NRG3: variants seen among roughly 807,000 people sequenced by gnomAD.
NRG3 encodes neuregulin 3, also known as pro-neuregulin-3, membrane-bound isoform.
NRG3 carries 31 observed loss-of-function variants against 66.9 expected under a neutral mutation model. The ratio of observed to expected loss-of-function variants is 0.46; its 90% CI spans 0.35 to 0.63. The LOEUF (loss-of-function observed/expected upper bound fraction) is 0.63, where lower values mean the gene tolerates loss of function less well. NRG3 is among the 20% of genes least tolerant of loss of function. The pLI is 0.00. For missense variants in NRG3, 910 were observed against 878.9 expected (o/e 1.04, Z -0.45); for synonymous variants, 393 against 359.4 (o/e 1.09, Z -1.06).
At chr10:82,352,756 G>A (rs896175446) in intron 1 of NRG3, among the ~76,000 whole-genome samples, 24 of 152,128 alleles carry the variant, frequency 1.6e-4, no homozygotes, top group African/African-American at 5.5e-4. Flanking sequence ...TGAAAGTGGG[G>A]GGCAGTTATT....
At chr10:81,932,862 A>C (rs1847504580) in intron 1 of NRG3, among the ~76,000 whole-genome samples, 1 of 152,064 alleles carries the variant, frequency 6.6e-6, no homozygotes, top group Admixed American at 6.5e-5. Flanking sequence ...TAATCCCAGC[A>C]CTTTGGGAGG....
At chr10:82,269,998 A>C (rs2078508770) in intron 1 of NRG3, among the ~76,000 whole-genome samples, 1 of 152,164 alleles carries the variant, frequency 6.6e-6, no homozygotes, top group Admixed American at 6.5e-5. Flanking sequence ...GGGGACGATT[A>C]AAGTATCTAC....
chr10:82,054,486 T>C (rs2063742770), intron 1 of NRG3, among the ~76,000 whole-genome samples: 1 of 152,140 alleles, frequency 6.6e-6, no homozygotes. Flanking sequence ...GATTCTCATT[T>C]AGATGTGGGT....
At chr10:82,201,794 C>G (rs188512574) in intron 1 of NRG3, among the ~76,000 whole-genome samples, 1 of 152,212 alleles carries the variant, frequency 6.6e-6, no homozygotes. Flanking sequence ...TATTAAGTAT[C>G]TTTTCTTAAA....
At chr10:81,973,207 A>G (rs2059995058) in intron 1 of NRG3, among the ~76,000 whole-genome samples, 1 of 152,176 alleles carries the variant, frequency 6.6e-6, no homozygotes, top group Non-Finnish European at 1.5e-5. Flanking sequence ...AGTGGCCTCC[A>G]GCTTCATCCA....
intron 1 of NRG3, among the ~76,000 whole-genome samples, chr10:82,306,428 G>T (rs2134878156): frequency 6.6e-6 from 1 of 152,260 alleles, no homozygotes; most frequent in East Asian, 1.9e-4. Flanking sequence ...ATTCGGCCGA[G>T]TGCGGTGGCT....
intron 2 of NRG3, among the ~76,000 whole-genome samples, chr10:82,449,511 A>G (rs1206147940): frequency 6.6e-6 from 1 of 152,214 alleles, no homozygotes; most frequent in African/African-American, 2.4e-5. Flanking sequence ...GGTACTGAGG[A>G]AGAAAAGGAA....
intron 5 of NRG3, among the ~76,000 whole-genome samples, chr10:82,953,881 C>T (rs983947386): frequency 9.9e-5 from 15 of 150,866 alleles, no homozygotes; most frequent in African/African-American, 3.7e-4. Context: ...TGGCTTGAGC[C>T]TGGGAGGTGG....
chr10:82,488,768 A>G lies in NRG3; in HGVS notation c.953+129900A>G, dbSNP rs371169400. Among the ~76,000 whole-genome samples, 15 of 152,280 alleles carry G rather than the reference A, an allele frequency of 9.9e-5. No homozygotes were observed. The East Asian group carries it at 1.7e-3, about 18-fold the overall frequency. On this transcript the variant is annotated intron_variant, in intron 2 of 8. Coordinates refer to ENST00000372141, the MANE Select transcript of NRG3 (RefSeq NM_001010848.4). ...GGGTCTTGAATGGAGAGTTACATAA[A>G]ACCTCAGGAATTAATGATTTAATAC...
intron 4 of NRG3, among the ~76,000 whole-genome samples, chr10:82,923,166 A>C (rs927450392): frequency 6.6e-6 from 1 of 152,140 alleles, no homozygotes; most frequent in Non-Finnish European, 1.5e-5. Context: ...CCATTGTATG[A>C]CTCCTATGCT....
At chr10:81,879,738 A>T (rs183996916) in intron 1 of NRG3, among the ~76,000 whole-genome samples, 123 of 152,372 alleles carry the variant, frequency 8.1e-4, no homozygotes, top group Non-Finnish European at 1.7e-3. Flanking sequence ...TTACCTAGTC[A>T]TACCTACTGT....
chr10:82,058,055 A>G (rs2063942869), intron 1 of NRG3, among the ~76,000 whole-genome samples: 1 of 150,224 alleles, frequency 6.7e-6, no homozygotes, highest in African/African-American at 2.5e-5. Context: ...AAAACCGATT[A>G]TTTGATATGT....
chr10:82,089,643 G>A lies in NRG3; in HGVS notation c.823+213480G>A, dbSNP rs563931863. Among the ~76,000 whole-genome samples the A allele has an allele frequency of 1.5e-3, 227 of 152,242 alleles. 1 individual carries two copies. The highest frequency in any genetic ancestry group is 3.8e-3 in the Admixed American group (58 of 15,292). On this transcript the variant is annotated intron_variant, in intron 1 of 8. Coordinates refer to ENST00000372141, the MANE Select transcript of NRG3 (RefSeq NM_001010848.4). ...CTTTTAGTTCTCTAATAAACGAGTT[G>A]AATATTTGTTAAGTTTTTGGTTTGT...
Position 82,292,438 on chromosome 10 carries a change from A to C in NRG3, c.824-66301A>C, listed in dbSNP as rs539139663. Reference sequence around the variant, plus strand: ...AACAGTTTGCCAATTTCTTTAAAAAAACCTATCCATGCAAATATCATATGA... The same window carrying C: ...AACAGTTTGCCAATTTCTTTAAAAACACCTATCCATGCAAATATCATATGA... On this transcript the variant is annotated intron_variant, in intron 1 of 8. Coordinates refer to ENST00000372141, the MANE Select transcript of NRG3 (RefSeq NM_001010848.4). Among the ~76,000 whole-genome samples, 30 of 152,332 alleles carry C rather than the reference A, an allele frequency of 2.0e-4. No homozygotes were observed. The South Asian group carries it at 6.2e-3, about 32-fold the overall frequency.
At chr10:82,825,660 G>A (rs977135509) in intron 3 of NRG3, among the ~76,000 whole-genome samples, 3 of 152,132 alleles carry the variant, frequency 2.0e-5, no homozygotes, top group African/African-American at 7.2e-5. Flanking sequence ...TGTTTCAGTC[G>A]TAGAGTTCAA....
At chr10:82,480,984 A>G (rs1384870274) in intron 2 of NRG3, among the ~76,000 whole-genome samples, 1 of 151,694 alleles carries the variant, frequency 6.6e-6, no homozygotes, top group Non-Finnish European at 1.5e-5. Flanking sequence ...CATCCCTTCT[A>G]CTCTCTTACT....
intron 2 of NRG3, among the ~76,000 whole-genome samples, chr10:82,446,096 G>T (rs552377942): frequency 6.6e-6 from 1 of 152,206 alleles, no homozygotes; most frequent in South Asian, 2.1e-4. Context: ...ATTTGTTCAT[G>T]ACCCAGCTTA....
rs567231980 is a variant in NRG3, at chr10:82,967,689, A to G, written c.1285-6099A>G. 5.3e-5 allele frequency among the ~76,000 whole-genome samples: 8 copies of G among 152,326 alleles called. No individual in the cohort carries two copies. The South Asian group carries it at 1.4e-3, about 28-fold the overall frequency. Reference sequence around the variant, plus strand: ...CTTTCTGGTGAGATAAGGCTCTGGTAAAATATTTTTACTACAGGAGTAGGC... The same window carrying G: ...CTTTCTGGTGAGATAAGGCTCTGGTGAAATATTTTTACTACAGGAGTAGGC... On this transcript the variant is annotated intron_variant, in intron 6 of 8. Transcript: ENST00000372141.
At chr10:82,345,618 G>T (rs955370435) in intron 1 of NRG3, among the ~76,000 whole-genome samples, 5 of 151,328 alleles carry the variant, frequency 3.3e-5, no homozygotes, top group Non-Finnish European at 7.4e-5. Context: ...TTGGTAGCTT[G>T]ATGGGGATGG....
Sources: gnomAD v4.1 joint callset for allele counts (sites outside exome capture counted in the v4.1 genomes callset) on GRCh38, gnomAD v4.1.1 for gene constraint, MANE v1.5 for transcripts, NCBI Gene and HGNC (gene_info 2026-07-23, HGNC 2026-07-21) for gene names.